Variants in SLC35C1 observed in about 807,000 individuals in gnomAD.
SLC35C1 encodes the protein solute carrier family 35 member C1, also known as GDP-fucose transporter 1.
In SLC35C1, 8 loss-of-function variants were observed where a neutral mutation model predicts 23.2. The ratio of observed to expected loss-of-function variants is 0.35; its 90% CI spans 0.20 to 0.62. SLC35C1 has a LOEUF of 0.62. Ranked by LOEUF, SLC35C1 falls within the 20% of genes least tolerant of loss-of-function variation. SLC35C1 has a pLI of 0.75. For missense variants in SLC35C1, 422 were observed against 478.6 expected (o/e 0.88, Z 1.10); for synonymous variants, 226 against 225.1 (o/e 1.00, Z -0.04).
Position 45,805,707 on chromosome 11 carries a change from T to G in SLC35C1, c.-95T>G, listed in dbSNP as rs1206476631. The G allele has an allele frequency of 9.4e-6, 15 of 1,593,176 alleles. No homozygotes were observed. The African/African-American group carries it at 1.1e-4, about 11-fold the overall frequency. On this transcript the variant is annotated 5_prime_UTR_variant, in exon 1 of 2. Coordinates refer to ENST00000314134, the MANE Select transcript of SLC35C1 (RefSeq NM_018389.5). Reference sequence around the variant, plus strand: ...CAGCCCACATGTGACAATGGAGGGCTGCGGCTTCCTTGCGGAGAGCACAAG... The same window carrying G: ...CAGCCCACATGTGACAATGGAGGGCGGCGGCTTCCTTGCGGAGAGCACAAG...
At chr11:45,805,015 C>T (rs1169559350), upstream of SLC35C1, 41 of 985,704 alleles carry the variant, frequency 4.2e-5, no homozygotes, top group Non-Finnish European at 4.6e-5. Context: ...AGCGCAGGGG[C>T]GGGGCTGGGG....
chr11:45,808,738 C>G (rs10838516), intron 1 of SLC35C1, among the ~76,000 whole-genome samples: 7 of 151,580 alleles, frequency 4.6e-5, no homozygotes, highest in Non-Finnish European at 8.8e-5. Context: ...CATGGTGGCT[C>G]ATGCCTGTAA....
At chr11:45,807,020 A>G (rs780446103) in intron 1 of SLC35C1, 2 of 452,962 alleles carry the variant, frequency 4.4e-6, no homozygotes, top group Non-Finnish European at 5.8e-6. Context: ...TATGCTAATT[A>G]TTTCACATAT....
At position 45,811,673 on chromosome 11, in the gene SLC35C1, C is replaced by T. The variant is rs186869966; in HGVS notation, c.*338C>T. 10 of 245,142 alleles carry T rather than the reference C, an allele frequency of 4.1e-5. No individual in the cohort carries two copies. The highest frequency in any genetic ancestry group is 7.9e-6 in the Non-Finnish European group (1 of 126,148). The allele number at this position is 245,142 out of a possible 1,614,324, so 15.2% of individuals were successfully genotyped here. A position where few individuals can be genotyped will look rare whatever the true frequency, so the allele number is the denominator to read the frequency against. The stretch of plus-strand genomic sequence containing the variant: ...AGGGCCTGTCTGCCTCCACATCACT[C>T]TGAGGACAGGGACAGGCAACAACCT... On this transcript the variant is annotated 3_prime_UTR_variant, in exon 2 of 2. Transcript: ENST00000314134.
intron 1 of SLC35C1, among the ~76,000 whole-genome samples, chr11:45,809,306 C>T (rs768452942): frequency 1.3e-5 from 2 of 152,076 alleles, no homozygotes; most frequent in African/African-American, 2.4e-5. Flanking sequence ...GGAGGGGACC[C>T]GGGGACAGGG....
chr11:45,804,726 G>C (rs879567428), upstream of SLC35C1: 113 of 985,694 alleles, frequency 1.1e-4, no homozygotes, highest in Middle Eastern at 5.2e-4. Context: ...TGTTATGGAA[G>C]AGTGAGCTCG....
At position 45,812,334 on chromosome 11, in the gene SLC35C1, G is replaced by A. The variant is rs991346134; in HGVS notation, c.*999G>A. ...GGTTCTGAGCCGCTTGCCTTGTGAT[G>A]GTAAGACACCAACCTTTACATTCTT... On this transcript the variant is annotated 3_prime_UTR_variant, in exon 2 of 2. Coordinates refer to ENST00000314134, the MANE Select transcript of SLC35C1 (RefSeq NM_018389.5). The A allele has an allele frequency of 5.1e-5, 18 of 354,382 alleles. No homozygotes were observed. The Admixed American group carries it at 5.6e-4, about 11-fold the overall frequency. 22.0% of individuals were successfully genotyped at this position (354,382 alleles called of 1,614,324 possible). A position where few individuals can be genotyped will look rare whatever the true frequency, so the allele number is the denominator to read the frequency against.
At chr11:45,808,366 T>C (rs1033404815) in intron 1 of SLC35C1, among the ~76,000 whole-genome samples, 1 of 152,078 alleles carries the variant, frequency 6.6e-6, no homozygotes, top group Non-Finnish European at 1.5e-5. Context: ...CCGGGCGTGG[T>C]GGCATGTGCC....
intron 1 of SLC35C1, among the ~76,000 whole-genome samples, chr11:45,808,345 C>CA (rs1404082623): frequency 2.0e-5 from 3 of 151,876 alleles, no homozygotes; most frequent in Admixed American, 1.3e-4. Context: ...ACTAAAAATA[C>CA]AAAAAATTAG....
In SLC35C1 at chr11:45,812,633, C is replaced by G; in HGVS notation, c.*1298C>G. On this transcript the variant is annotated 3_prime_UTR_variant, in exon 2 of 2. Transcript: ENST00000314134. ...CTGCCTCTTTTATAAGGACTCCAACCCTGTTCATGAGGGTTCCGCCCCCAT... is the reference window on the plus strand; with the variant it reads ...CTGCCTCTTTTATAAGGACTCCAACGCTGTTCATGAGGGTTCCGCCCCCAT... The G allele has an allele frequency of 2.2e-6, 1 of 456,012 alleles. No homozygotes were observed. The highest frequency in any genetic ancestry group is 4.4e-6 in the Non-Finnish European group (1 of 226,774). 28.2% of individuals were successfully genotyped at this position (456,012 alleles called of 1,614,324 possible).
intron 1 of SLC35C1, 49 bp from the exon 2 acceptor site, chr11:45,810,727 C>A (rs779961516): frequency 6.3e-7 from 1 of 1,589,886 alleles, no homozygotes; most frequent in South Asian, 1.1e-5. Context: ...TCCTCCTCGT[C>A]CTCATCCCTC....
chr11:45,810,347 C>T (rs2085925037), intron 1 of SLC35C1: 1 of 985,332 alleles, frequency 1.0e-6, no homozygotes, highest in African/African-American at 1.7e-5. Context: ...CCTTAAATCA[C>T]ATTAACCACT....
Position 45,805,727 on chromosome 11 carries a change from C to A in SLC35C1, c.-75C>A. The stretch of plus-strand genomic sequence containing the variant: ...AGGGCTGCGGCTTCCTTGCGGAGAG[C>A]ACAAGTGAGCTCACTGCCCTGGACT... On this transcript the variant is annotated 5_prime_UTR_variant, in exon 1 of 2. Coordinates refer to ENST00000314134, the MANE Select transcript of SLC35C1 (RefSeq NM_018389.5). The A allele has an allele frequency of 6.3e-7, 1 of 1,599,732 alleles. No individual in the cohort carries two copies.
At position 45,810,744 on chromosome 11, in the gene SLC35C1, A is replaced by G. The variant is rs7127456; in HGVS notation, c.536-32A>G. The G allele has an allele frequency of 0.17, 272,173 of 1,598,348 alleles. 25,520 individuals carry two copies. The highest frequency in any genetic ancestry group is 0.32 in the African/African-American group (23,936 of 74,642). On this transcript the variant is annotated intron_variant, in intron 1 of 1. Transcript: ENST00000314134. ...CTCCTCGTCCTCATCCCTCTTCCTC[A>G]CCCTTCCCCACTCCTCCTCTCCCCA...
At chr11:45,808,362 G>A (rs772432201) in intron 1 of SLC35C1, among the ~76,000 whole-genome samples, 10 of 152,034 alleles carry the variant, frequency 6.6e-5, no homozygotes, top group African/African-American at 1.7e-4. Flanking sequence ...TTAGCCGGGC[G>A]TGGTGGCATG....
chr11:45,811,191 G>C lies in SLC35C1; in HGVS notation c.951G>C (p.Glu317Asp), dbSNP rs1366851782. The change falls in exon 2 of 2, where the codon GAG becomes GAC. Residue 317 changes from glutamate (E) to aspartate (D), a missense_variant. Coordinates refer to ENST00000314134, the MANE Select transcript of SLC35C1 (RefSeq NM_018389.5). ...QTVLAVLYYE[E>D]TKSFLWWTSN... The stretch of plus-strand genomic sequence containing the variant: ...TGCTGGCCGTGCTCTACTACGAGGA[G>C]ACCAAGAGCTTCCTCTGGTGGACGA... 8 of 1,610,950 alleles carry C rather than the reference G, an allele frequency of 5.0e-6. No homozygotes were observed. Among genetic ancestry groups the C allele is most frequent in the Admixed American group, 1.7e-5 (1 of 59,976 alleles).
Position 45,806,229 on chromosome 11 carries a change from A to G in SLC35C1, c.428A>G (p.Tyr143Cys). Residue 143 changes from tyrosine (Y) to cysteine (C), a missense_variant, in exon 1 of 2, where the codon TAC (tyrosine) becomes TGC (cysteine). Physicochemically the swap from Tyr to Cys is radical, Grantham distance 194. Transcript: ENST00000314134. ...LCLKYVGVAF[Y>C]NVGRSLTTVF... ...CTCAAGTACGTCGGTGTGGCCTTCT[A>G]CAATGTGGGCCGCTCACTCACCACC... 2.5e-6 allele frequency: 4 copies of G among 1,607,482 alleles called. No individual in the cohort carries two copies. Among genetic ancestry groups the G allele is most frequent in the Non-Finnish European group, 3.4e-6 (4 of 1,179,952 alleles).
In SLC35C1 at chr11:45,810,754, ACTC is replaced by A. The variant is rs771937822; in HGVS notation, c.536-15_536-13del. The A allele has an allele frequency of 3.7e-6, 6 of 1,602,210 alleles. No individual in the cohort carries two copies. The East Asian group carries it at 1.1e-4, about 30-fold the overall frequency. On this transcript the variant is annotated intron_variant, in intron 1 of 1. Coordinates refer to ENST00000314134, the MANE Select transcript of SLC35C1 (RefSeq NM_018389.5). ...TCATCCCTCTTCCTCACCCTTCCCC[ACTC>A]CTCCTCTCCCCACTGCAGGGGGCTT...
rs771383956 is a variant in SLC35C1, at chr11:45,805,485, C to T, written c.-317C>T. The stretch of plus-strand genomic sequence containing the variant: ...CCCTCCCTTCTCTCTGCGACCCCTC[C>T]CTGTTAGGCCCCAGCCTCTTCTCCC... On this transcript the variant is annotated 5_prime_UTR_variant, in exon 1 of 2. Transcript: ENST00000314134. 2 of 1,267,108 alleles carry T rather than the reference C, an allele frequency of 1.6e-6. No individual in the cohort carries two copies. Among genetic ancestry groups the T allele is most frequent in the Non-Finnish European group, 2.0e-6 (2 of 995,354 alleles). 78.5% of individuals were successfully genotyped at this position (1,267,108 alleles called of 1,614,324 possible). A position where few individuals can be genotyped will look rare whatever the true frequency, so the allele number is the denominator to read the frequency against.
Sources: allele counts gnomAD v4.1 joint callset (sites outside exome capture counted in the v4.1 genomes callset), GRCh38; gene constraint gnomAD v4.1.1; transcripts MANE v1.5; gene names NCBI Gene and HGNC (gene_info 2026-07-23, HGNC 2026-07-21).